XKR6: variants seen among roughly 807,000 people sequenced by gnomAD.
The protein encoded by XKR6 is XK-related protein 6.
In XKR6, 22 loss-of-function variants were observed where a neutral mutation model predicts 56.7. The ratio of observed to expected loss-of-function variants is 0.39; its 90% confidence interval spans 0.28 to 0.55. XKR6 has a LOEUF of 0.55. Ranked by LOEUF, XKR6 falls within the 20% of genes least tolerant of loss-of-function variation. The pLI is 0.66. For synonymous variants in XKR6, 524 were observed against 387.8 expected (o/e 1.35, Z -4.13); for missense variants, 852 against 889.0 (o/e 0.96, Z 0.53).
chr8:11,019,601 C>G (rs1798704532), intron 1 of XKR6, among the ~76,000 whole-genome samples: 1 of 152,330 alleles, frequency 6.6e-6, no homozygotes, highest in African/African-American at 2.4e-5. Flanking sequence ...AGGCCCAGGT[C>G]TGGGCCCCAG....
intron 1 of XKR6, among the ~76,000 whole-genome samples, chr8:10,975,900 C>A (rs532662957): frequency 6.6e-6 from 1 of 152,208 alleles, no homozygotes; most frequent in Non-Finnish European, 1.5e-5. Context: ...GCGCCCACCA[C>A]GCAGTGGCTC....
chr8:11,162,223 T>C (rs888650930), intron 1 of XKR6, among the ~76,000 whole-genome samples: 4 of 152,114 alleles, frequency 2.6e-5, no homozygotes, highest in African/African-American at 4.8e-5. Context: ...GCTGGGAAAG[T>C]TGAGGAGAAG....
At chr8:11,012,615 GC>G (rs1301798644) in intron 1 of XKR6, among the ~76,000 whole-genome samples, 1 of 151,458 alleles carries the variant, frequency 6.6e-6, no homozygotes, top group Non-Finnish European at 1.5e-5. Flanking sequence ...TAGAAAAAGT[GC>G]CCCCCTCACC....
intron 2 of XKR6, among the ~76,000 whole-genome samples, chr8:10,912,468 G>T (rs751668359): frequency 0.019 from 1,611 of 83,094 alleles, 18 homozygotes; most frequent in African/African-American, 0.074. Flanking sequence ...TATATATATA[G>T]AGAGAGAGAG....
rs113184362 is a variant in XKR6, at chr8:10,958,101, C to T, written c.765-33271G>A. Among the ~76,000 whole-genome samples, 1,244 of 152,310 alleles carry T rather than the reference C, an allele frequency of 8.2e-3. 6 individuals carry two copies. Among genetic ancestry groups the T allele is most frequent in the Middle Eastern group, 0.017 (5 of 294 alleles). On this transcript the variant is annotated intron_variant, in intron 1 of 2. Transcript: ENST00000416569. ...CCTCTCTGGGCCTCAGTTTCCCTCACTTGTGTCAGACTGGAAAATCTGAAC... is the reference window on the plus strand; with the variant it reads ...CCTCTCTGGGCCTCAGTTTCCCTCATTTGTGTCAGACTGGAAAATCTGAAC...
chr8:10,995,507 C>G (rs1289896480), intron 1 of XKR6, among the ~76,000 whole-genome samples: 1 of 147,372 alleles, frequency 6.8e-6, no homozygotes. Flanking sequence ...TATACACACA[C>G]ACATATACAC....
Position 10,896,761 on chromosome 8 carries a change from T to C in XKR6, c.*1191A>G, listed in dbSNP as rs533156327. Reference sequence around the variant, plus strand: ...ATATATATTCTAGTTTTCCTCTTTGTGTTATTTTTTTTTTTAAAAAAGCAC... The same window carrying C: ...ATATATATTCTAGTTTTCCTCTTTGCGTTATTTTTTTTTTTAAAAAAGCAC... On this transcript the variant is annotated 3_prime_UTR_variant, in exon 3 of 3. Transcript: ENST00000416569. 7.5e-5 allele frequency: 8 copies of C among 106,502 alleles called. No homozygotes were observed. The highest frequency in any genetic ancestry group is 3.3e-4 in the African/African-American group (7 of 20,966). 6.6% of individuals were successfully genotyped at this position (106,502 alleles called of 1,614,324 possible). A position where few individuals can be genotyped will look rare whatever the true frequency, so the allele number is the denominator to read the frequency against.
At chr8:11,031,313 T>C (rs1798988044) in intron 1 of XKR6, among the ~76,000 whole-genome samples, 1 of 152,264 alleles carries the variant, frequency 6.6e-6, no homozygotes, top group Non-Finnish European at 1.5e-5. Flanking sequence ...ACGGCTCAGC[T>C]GCACCCTTGC....
chr8:11,094,922 T>C (rs1206628894), intron 1 of XKR6, among the ~76,000 whole-genome samples: 1 of 152,194 alleles, frequency 6.6e-6, no homozygotes, highest in Non-Finnish European at 1.5e-5. Flanking sequence ...GAAGAGCAGC[T>C]AGTGGGTGCT....
chr8:11,090,405 G>GTT (rs34476021), intron 1 of XKR6, among the ~76,000 whole-genome samples: 2 of 148,000 alleles, frequency 1.4e-5, no homozygotes, highest in Non-Finnish European at 3.0e-5. Context: ...CTTTTTAATG[G>GTT]TTTTTTTTTT....
intron 1 of XKR6, among the ~76,000 whole-genome samples, chr8:10,955,805 G>A (rs1334322609): frequency 6.6e-6 from 1 of 152,192 alleles, no homozygotes; most frequent in African/African-American, 2.4e-5. Flanking sequence ...TGTAACAGAG[G>A]TAGGATGAGA....
intron 1 of XKR6, among the ~76,000 whole-genome samples, chr8:11,164,786 T>A (rs571921689): frequency 2.0e-4 from 30 of 152,326 alleles, no homozygotes; most frequent in African/African-American, 7.0e-4. Flanking sequence ...ATTTGTCACA[T>A]GTAAAATATT....
intron 1 of XKR6, among the ~76,000 whole-genome samples, chr8:11,044,219 A>C (rs1257507175): frequency 6.6e-6 from 1 of 152,196 alleles, no homozygotes. Flanking sequence ...TAACGTACAG[A>C]ACCTAACTGT....
chr8:11,152,711 A>C (rs962403472), intron 1 of XKR6, among the ~76,000 whole-genome samples: 3 of 152,210 alleles, frequency 2.0e-5, no homozygotes, highest in African/African-American at 7.2e-5. Context: ...CAGAGAACTA[A>C]AGCGCCATGC....
intron 1 of XKR6, among the ~76,000 whole-genome samples, chr8:10,943,261 C>T (rs1014968850): frequency 1.3e-5 from 2 of 152,220 alleles, no homozygotes; most frequent in African/African-American, 2.4e-5. Context: ...GCCTGTAAGC[C>T]TTTGCCAGGC....
chr8:11,078,388 A>G (rs34094119), intron 1 of XKR6, among the ~76,000 whole-genome samples: 85,651 of 152,012 alleles, frequency 0.56, 26,903 homozygotes, highest in African/African-American at 0.82. Context: ...ATGCTGGCAC[A>G]CAGCTTTTAA....
At chr8:11,010,243 C>T (rs1417889335) in intron 1 of XKR6, among the ~76,000 whole-genome samples, 1 of 152,180 alleles carries the variant, frequency 6.6e-6, no homozygotes, top group Non-Finnish European at 1.5e-5. Context: ...ACAAGACTGG[C>T]AAGGGGGAAG....
chr8:11,196,125 T>C (rs1436547388), intron 1 of XKR6, among the ~76,000 whole-genome samples: 4 of 152,076 alleles, frequency 2.6e-5, no homozygotes, highest in African/African-American at 9.7e-5. Context: ...ATCTCCTCAT[T>C]TGTAGGTATC....
intron 1 of XKR6, among the ~76,000 whole-genome samples, chr8:11,015,428 C>T (rs73541227): frequency 0.032 from 4,801 of 152,078 alleles, 244 homozygotes; most frequent in African/African-American, 0.11. Flanking sequence ...CGTGTCTAAA[C>T]GCACTGGAGG....
Sources: allele counts gnomAD v4.1 joint callset (sites outside exome capture counted in the v4.1 genomes callset), GRCh38; gene constraint gnomAD v4.1.1; transcripts MANE v1.5; gene names NCBI Gene and HGNC (gene_info 2026-07-23, HGNC 2026-07-21).